The following MFSD11 variants were observed in gnomAD, a reference collection of about 807,000 sequenced individuals.
MFSD11 encodes major facilitator superfamily domain containing 11.
In MFSD11, 36 loss-of-function variants were observed where a neutral mutation model predicts 53.5. The observed-to-expected ratio is 0.67, with a 90% confidence interval of 0.52 to 0.89. The LOEUF (loss-of-function observed/expected upper bound fraction) is 0.89, where lower values mean the gene tolerates loss of function less well. MFSD11 is among the 40% of genes least tolerant of loss of function. The probability of loss-of-function intolerance (pLI) is 0.00; values close to 1 mark genes in which losing one functional copy is unlikely to be tolerated. For missense variants in MFSD11, 530 were observed against 543.9 expected (o/e 0.97, Z 0.25); for synonymous variants, 186 against 184.9 (o/e 1.01, Z -0.05).
At chr17:76,756,510 A>G (rs916430840) in intron 8 of MFSD11, among the ~76,000 whole-genome samples, 1 of 152,194 alleles carries the variant, frequency 6.6e-6, no homozygotes, top group African/African-American at 2.4e-5. Flanking sequence ...TAGGAGGTCA[A>G]TCACTGTCAA....
Position 76,738,260 on chromosome 17 carries a change from A to G in MFSD11, c.-93A>G. On this transcript the variant is annotated 5_prime_UTR_variant, in exon 1 of 13. Transcript: ENST00000685175. The stretch of plus-strand genomic sequence containing the variant: ...GCTCCTGCATCTGCCTTCTCCACTC[A>G]CCATCTCATTTCTTTCTCCAGGATT... 1.2e-6 allele frequency: 1 copy of G among 801,102 alleles called. No homozygotes were observed. Among genetic ancestry groups the G allele is most frequent in the Admixed American group, 2.2e-5 (1 of 44,990 alleles). The allele number at this position is 801,102 out of a possible 1,614,324, so 49.6% of individuals were successfully genotyped here. A position where few individuals can be genotyped will look rare whatever the true frequency, so the allele number is the denominator to read the frequency against.
chr17:76,749,889 CA>C (rs1187568956), intron 7 of MFSD11, among the ~76,000 whole-genome samples: 7,908 of 63,812 alleles, frequency 0.12, 626 homozygotes, highest in African/African-American at 0.33. Flanking sequence ...GACTCCTTCT[CA>C]AAAAAAAAAA....
chr17:76,774,127 T>C (rs1420963099), intron 10 of MFSD11, among the ~76,000 whole-genome samples: 2 of 152,160 alleles, frequency 1.3e-5, no homozygotes, highest in African/African-American at 4.8e-5. Flanking sequence ...GGTTTCACCA[T>C]GTTGGCCAGG....
the MFSD11 span, among the ~76,000 whole-genome samples, chr17:76,794,791 C>G: frequency 1.4e-5 from 2 of 139,826 alleles, no homozygotes; most frequent in Non-Finnish European, 3.0e-5. Flanking sequence ...CTCCCAGGTT[C>G]AAGCGATTCT....
At chr17:76,785,246 A>G (rs1286407737), downstream of MFSD11, among the ~76,000 whole-genome samples, 1 of 152,210 alleles carries the variant, frequency 6.6e-6, no homozygotes. Context: ...TTCATTTATT[A>G]TATGAAGTAC....
rs1275444644 is a variant in MFSD11 at position 76,779,010 on chromosome 17, T to G, written c.*658T>G. ...GCTCATGCCTGTAATCCCAACACTTTGGGAGGCTGAGGTGGGTGGATCACC... is the reference window on the plus strand; with the variant it reads ...GCTCATGCCTGTAATCCCAACACTTGGGGAGGCTGAGGTGGGTGGATCACC... On this transcript the variant is annotated 3_prime_UTR_variant, in exon 13 of 13. Coordinates refer to ENST00000685175, the MANE Select transcript of MFSD11 (RefSeq NM_001242532.5). The G allele has an allele frequency of 1.3e-5, 2 of 152,222 alleles. No homozygotes were observed. Among genetic ancestry groups the G allele is most frequent in the African/African-American group, 4.8e-5 (2 of 41,418 alleles). 9.4% of individuals were successfully genotyped at this position (152,222 alleles called of 1,614,324 possible).
At position 76,757,548 on chromosome 17, in the gene MFSD11, C is replaced by T. The variant is rs138755794; in HGVS notation, c.682+3461C>T. 1.5e-3 allele frequency among the ~76,000 whole-genome samples: 229 copies of T among 152,254 alleles called. 1 individual carries two copies. The highest frequency in any genetic ancestry group is 5.2e-3 in the African/African-American group (217 of 41,534). On this transcript the variant is annotated intron_variant, in intron 8 of 12. Coordinates refer to ENST00000685175, the MANE Select transcript of MFSD11 (RefSeq NM_001242532.5). ...GGTTGGGGCTGTGATGAATGTTGTACAGAGAAGGTTCCTACATACTATCTA... is the reference window on the plus strand; with the variant it reads ...GGTTGGGGCTGTGATGAATGTTGTATAGAGAAGGTTCCTACATACTATCTA...
At chr17:76,793,581 A>G in the MFSD11 span, among the ~76,000 whole-genome samples, 1 of 151,490 alleles carries the variant, frequency 6.6e-6, no homozygotes, top group East Asian at 1.9e-4. Context: ...GGCGACATAC[A>G]TCCTCCTCAG....
intron 11 of MFSD11, among the ~76,000 whole-genome samples, chr17:76,775,637 A>C (rs1345263356): frequency 6.6e-6 from 1 of 152,194 alleles, no homozygotes; most frequent in African/African-American, 2.4e-5. Context: ...CCAGCTCCAC[A>C]AATCCAAGGG....
intron 8 of MFSD11, among the ~76,000 whole-genome samples, chr17:76,759,151 G>A (rs971501903): frequency 6.6e-6 from 1 of 152,086 alleles, no homozygotes; most frequent in Admixed American, 6.5e-5. Context: ...ATACTTGGAG[G>A]GCTGAGGCAG....
chr17:76,742,362 C>T, intron 5 of MFSD11, 89 bp downstream of exon 5: 2 of 1,060,922 alleles, frequency 1.9e-6, no homozygotes, highest in East Asian at 2.6e-5. Flanking sequence ...CAATTTGGAT[C>T]TTCCATGTTA....
rs1267530146 is a variant in MFSD11 at position 76,738,281 on chromosome 17, G to A, written c.-72G>A. On this transcript the variant is annotated 5_prime_UTR_variant, in exon 1 of 13. Coordinates refer to ENST00000685175, the MANE Select transcript of MFSD11 (RefSeq NM_001242532.5). Reference sequence around the variant, plus strand: ...ACTCACCATCTCATTTCTTTCTCCAGGATTGTCAGTGGCTTCGCCCCGAGG... The same window carrying A: ...ACTCACCATCTCATTTCTTTCTCCAAGATTGTCAGTGGCTTCGCCCCGAGG... 1.0e-6 allele frequency: 1 copy of A among 970,644 alleles called. No individual in the cohort carries two copies. The highest frequency in any genetic ancestry group is 2.0e-5 in the Admixed American group (1 of 51,202). The allele number at this position is 970,644 out of a possible 1,614,324, so 60.1% of individuals were successfully genotyped here.
chr17:76,793,429 C>T, the MFSD11 span, among the ~76,000 whole-genome samples: 9 of 151,604 alleles, frequency 5.9e-5, 1 homozygote, highest in East Asian at 1.9e-4. Context: ...GGCTCACCAG[C>T]GGTCAGAGTT....
At chr17:76,746,890 C>A (rs140436964) in intron 7 of MFSD11, among the ~76,000 whole-genome samples, 4 of 152,138 alleles carry the variant, frequency 2.6e-5, no homozygotes, top group African/African-American at 9.6e-5. Flanking sequence ...GTTCTGCAGC[C>A]CCTGGATCAA....
At chr17:76,770,639 G>C (rs1163465266) in intron 10 of MFSD11, among the ~76,000 whole-genome samples, 1 of 152,118 alleles carries the variant, frequency 6.6e-6, no homozygotes, top group African/African-American at 2.4e-5. Flanking sequence ...CTCTGACTTG[G>C]GTACAAATTT....
chr17:76,766,350 G>C (rs1427271584), intron 8 of MFSD11, among the ~76,000 whole-genome samples: 3 of 150,826 alleles, frequency 2.0e-5, no homozygotes, highest in African/African-American at 7.3e-5. Context: ...ACCCTAGAGG[G>C]GGAGGCTGCA....
At chr17:76,788,685 A>C in the MFSD11 span, among the ~76,000 whole-genome samples, 1 of 148,484 alleles carries the variant, frequency 6.7e-6, no homozygotes, top group African/African-American at 2.5e-5. Context: ...CCCCATCTCT[A>C]CTAAAAACAA....
chr17:76,738,046 A>G (rs993885359), upstream of MFSD11: 2 of 393,658 alleles, frequency 5.1e-6, no homozygotes, highest in African/African-American at 2.1e-5. Flanking sequence ...TGCGGCTGGC[A>G]CTTGGCCCTT....
At chr17:76,751,602 A>G (rs1174058916) in intron 7 of MFSD11, among the ~76,000 whole-genome samples, 2 of 151,344 alleles carry the variant, frequency 1.3e-5, no homozygotes, top group Non-Finnish European at 2.9e-5. Context: ...CAGGAGGCTG[A>G]GGCAGGAGGA....
Sources: allele counts gnomAD v4.1 joint callset (sites outside exome capture counted in the v4.1 genomes callset), GRCh38; gene constraint gnomAD v4.1.1; transcripts MANE v1.5; gene names NCBI Gene and HGNC (gene_info 2026-07-23, HGNC 2026-07-21).